The following PCDHA5 variants were observed in gnomAD, a reference collection of about 807,000 sequenced individuals.
PCDHA5 encodes protocadherin alpha-5.
PCDHA5 carries 43 observed loss-of-function variants against 61.6 expected under a neutral mutation model. The observed-to-expected ratio is 0.70, with a 90% CI of 0.55 to 0.90. The LOEUF is 0.90. Ranked by LOEUF, PCDHA5 falls within the 40% of genes least tolerant of loss-of-function variation. PCDHA5 has a pLI of 0.00. For synonymous variants in PCDHA5, 627 were observed against 543.9 expected (o/e 1.15, Z -2.13); for missense variants, 1,298 against 1,222.7 (o/e 1.06, Z -0.92).
intron 1 of PCDHA5, among the ~76,000 whole-genome samples, chr5:140,912,832 TA>T (rs1188685241): frequency 1.3e-5 from 2 of 152,202 alleles, no homozygotes; most frequent in African/African-American, 2.4e-5. Context: ...TGAATTTTAT[TA>T]AATGCTTTTT....
intron 1 of PCDHA5, chr5:140,866,744 A>G (rs980107592): frequency 1.3e-5 from 2 of 152,180 alleles, no homozygotes; most frequent in African/African-American, 2.4e-5. Flanking sequence ...TAATACTTAT[A>G]TGACTAACAG....
intron 1 of PCDHA5, among the ~76,000 whole-genome samples, chr5:140,904,096 T>C (rs2153483454): frequency 6.6e-6 from 1 of 152,312 alleles, no homozygotes; most frequent in Admixed American, 6.5e-5. Flanking sequence ...AATAACTACT[T>C]TAGTGGTCAT....
chr5:140,871,565 G>T, intron 1 of PCDHA5: 2 of 1,483,114 alleles, frequency 1.3e-6, no homozygotes, highest in South Asian at 2.7e-5. Context: ...TTTTTTTCAC[G>T]GATTTTTTAA....
At chr5:140,829,507 C>G in intron 1 of PCDHA5, 1 of 1,613,584 alleles carries the variant, frequency 6.2e-7, no homozygotes, top group Admixed American at 1.7e-5. Context: ...CGCCGGGCTG[C>G]CACATCTTCA....
intron 1 of PCDHA5, chr5:140,869,209 T>C (rs782345986): frequency 1.2e-6 from 2 of 1,613,950 alleles, no homozygotes; most frequent in South Asian, 2.2e-5. Flanking sequence ...CTACTCCGTC[T>C]CGGAGGAGGC....
chr5:140,853,932 G>C, intron 1 of PCDHA5: 6 of 869,474 alleles, frequency 6.9e-6, no homozygotes, highest in Non-Finnish European at 8.4e-6. Flanking sequence ...ATTTTGGGAG[G>C]CCAAGGTGGG....
intron 1 of PCDHA5, chr5:140,968,638 A>T: frequency 6.2e-7 from 1 of 1,614,184 alleles, no homozygotes; most frequent in Non-Finnish European, 8.5e-7. Context: ...TTTACCATCT[A>T]GCCCAGACTT....
At chr5:140,941,634 T>G (rs2093133728) in intron 1 of PCDHA5, among the ~76,000 whole-genome samples, 1 of 152,074 alleles carries the variant, frequency 6.6e-6, no homozygotes, top group South Asian at 2.1e-4. Context: ...TCTTAATTTC[T>G]GTCTTCCTAC....
chr5:140,882,771 T>C (rs148644909), intron 1 of PCDHA5: 19 of 1,614,110 alleles, frequency 1.2e-5, no homozygotes, highest in Non-Finnish European at 1.6e-5. Context: ...AACTCGGCAT[T>C]GACCTACCGA....
intron 1 of PCDHA5, among the ~76,000 whole-genome samples, chr5:140,925,505 C>A (rs528944783): frequency 6.6e-5 from 10 of 152,052 alleles, no homozygotes; most frequent in African/African-American, 2.2e-4. Flanking sequence ...CCAATATCCA[C>A]GCAAAAGACC....
chr5:140,862,965 C>T (rs1358517266), intron 1 of PCDHA5: 5 of 543,666 alleles, frequency 9.2e-6, no homozygotes, highest in African/African-American at 7.7e-5. Flanking sequence ...TCAGTGGATG[C>T]AGGCCACTTG....
chr5:140,928,569 GCCCAGAAATGGTTCTGT>G, intron 1 of PCDHA5: 1 of 1,614,202 alleles, frequency 6.2e-7, no homozygotes, highest in Non-Finnish European at 8.5e-7. Flanking sequence ...TGTTTCCCTT[GCCCAGAAATGGTTCTGT>G]CCCAGTGGAA....
At chr5:140,842,221 A>G (rs1420540390) in intron 1 of PCDHA5, 1 of 1,613,116 alleles carries the variant, frequency 6.2e-7, no homozygotes, top group Non-Finnish European at 8.5e-7. Context: ...GAAATACGGG[A>G]GAAATAGTGA....
At chr5:140,870,886 G>A (rs17844350) in intron 1 of PCDHA5, 1 of 1,613,944 alleles carries the variant, frequency 6.2e-7, no homozygotes, top group East Asian at 2.2e-5. Flanking sequence ...GAAGGTGCGC[G>A]CAGTGGATGC....
intron 1 of PCDHA5, among the ~76,000 whole-genome samples, chr5:140,960,334 T>C (rs902345282): frequency 6.6e-6 from 1 of 152,182 alleles, no homozygotes; most frequent in African/African-American, 2.4e-5. Context: ...GAGAAGTACA[T>C]GAGGTGAGAT....
At chr5:140,969,576 G>A (rs982215577) in intron 1 of PCDHA5, 3 of 984,900 alleles carry the variant, frequency 3.0e-6, no homozygotes, top group Admixed American at 2.9e-5. Flanking sequence ...TTTGAGAAGT[G>A]AGGATTAGTC....
chr5:140,967,836 A>G, intron 1 of PCDHA5: 1 of 1,614,136 alleles, frequency 6.2e-7, no homozygotes, highest in African/African-American at 1.3e-5. Flanking sequence ...GACATCGTGG[A>G]CGTGAATGAC....
At chr5:140,882,887 G>A (rs781927732) in intron 1 of PCDHA5, 43 of 1,614,050 alleles carry the variant, frequency 2.7e-5, no homozygotes, top group Non-Finnish European at 3.6e-5. Context: ...GGAAATTCAG[G>A]AACATAGTTT....
chr5:140,881,445 A>C, intron 1 of PCDHA5: 1 of 783,070 alleles, frequency 1.3e-6, no homozygotes, highest in Non-Finnish European at 1.6e-6. Flanking sequence ...TAAAAACAGA[A>C]TCCAAAACCT....
Sources: gnomAD v4.1 joint callset for allele counts (sites outside exome capture counted in the v4.1 genomes callset) on GRCh38, gnomAD v4.1.1 for gene constraint, MANE v1.5 for transcripts, NCBI Gene and HGNC (gene_info 2026-07-23, HGNC 2026-07-21) for gene names.